The following ZNF385D variants were observed in gnomAD, a reference collection of about 807,000 sequenced individuals.
The protein encoded by ZNF385D is zinc finger protein 659.
Under a neutral mutation model 35.8 loss-of-function variants are expected in ZNF385D, and 15 were observed. That is an observed-to-expected ratio of 0.42 (90% CI 0.28 to 0.64). ZNF385D has a LOEUF of 0.64. Among genes scored for constraint, ZNF385D ranks in the 30% least tolerant of loss-of-function variants. The pLI is 0.23. For missense variants in ZNF385D, 474 were observed against 494.6 expected (o/e 0.96, Z 0.39); for synonymous variants, 212 against 186.8 (o/e 1.13, Z -1.10).
At chr3:22,349,281 A>T (rs1397232999) in intron 2 of ZNF385D, among the ~76,000 whole-genome samples, 1 of 152,176 alleles carries the variant, frequency 6.6e-6, no homozygotes. Context: ...TCTCAAGTTG[A>T]ACCTAGATAA....
intron 2 of ZNF385D, among the ~76,000 whole-genome samples, chr3:22,178,397 CTG>C (rs1265297797): frequency 6.6e-6 from 1 of 152,222 alleles, no homozygotes; most frequent in African/African-American, 2.4e-5. Context: ...TGAGAAGTGT[CTG>C]TGCATATCCT....
rs769929728 is a variant in ZNF385D, at chr3:21,511,047, C to T, written c.277-24G>A. 23 of 1,613,070 alleles carry T rather than the reference C, an allele frequency of 1.4e-5. No individual in the cohort carries two copies. The South Asian group carries it at 2.3e-4, about 16-fold the overall frequency. On this transcript the variant is annotated intron_variant, in intron 3 of 7. Transcript: ENST00000281523. Reference sequence around the variant, plus strand: ...CTCTACAAAGGAGAACAAAATGAACCATGCAATCAGGCTCATTTCTAAACT... The same window carrying T: ...CTCTACAAAGGAGAACAAAATGAACTATGCAATCAGGCTCATTTCTAAACT...
intron 2 of ZNF385D, among the ~76,000 whole-genome samples, chr3:22,242,913 G>A (rs1699575325): frequency 6.6e-6 from 1 of 150,868 alleles, no homozygotes; most frequent in African/African-American, 2.5e-5. Flanking sequence ...ATTTATAGAA[G>A]AGCAAAAAGT....
chr3:21,735,724 C>A (rs1042087615), intron 1 of ZNF385D, among the ~76,000 whole-genome samples: 1 of 152,208 alleles, frequency 6.6e-6, no homozygotes, highest in African/African-American at 2.4e-5. Flanking sequence ...TCTCTGGGAA[C>A]TGCAAGGCAT....
At chr3:22,230,769 G>A (rs948325852) in intron 2 of ZNF385D, among the ~76,000 whole-genome samples, 1 of 152,140 alleles carries the variant, frequency 6.6e-6, no homozygotes, top group Non-Finnish European at 1.5e-5. Flanking sequence ...AGAGGAGTTT[G>A]TTAAGCTGAC....
intron 4 of ZNF385D, among the ~76,000 whole-genome samples, chr3:21,506,666 G>A (rs1350447851): frequency 6.6e-6 from 1 of 152,066 alleles, no homozygotes. Flanking sequence ...AATTATTCTG[G>A]CTATCTTTGG....
chr3:21,597,571 A>G (rs181514741), intron 2 of ZNF385D, among the ~76,000 whole-genome samples: 21 of 152,140 alleles, frequency 1.4e-4, no homozygotes, highest in African/African-American at 5.1e-4. Flanking sequence ...TAAAGCTCAG[A>G]CTTGAGAATT....
intron 3 of ZNF385D, among the ~76,000 whole-genome samples, chr3:22,165,367 G>A (rs149457747): frequency 3.5e-4 from 53 of 152,250 alleles, no homozygotes; most frequent in Non-Finnish European, 5.7e-4. Flanking sequence ...GTCAAGCACC[G>A]GTCTGATGGC....
At chr3:22,016,640 CA>C (rs1390530767) in intron 3 of ZNF385D, among the ~76,000 whole-genome samples, 1 of 151,958 alleles carries the variant, frequency 6.6e-6, no homozygotes, top group East Asian at 1.9e-4. Context: ...GTTTGTGTTT[CA>C]AAAATTTTAG....
chr3:21,817,472 T>G (rs148656643), intron 3 of ZNF385D, among the ~76,000 whole-genome samples: 1 of 151,944 alleles, frequency 6.6e-6, no homozygotes, highest in African/African-American at 2.4e-5. Flanking sequence ...ACAAAGAAGT[T>G]AAACAAATTT....
chr3:21,897,642 T>C (rs1486395808), intron 3 of ZNF385D, among the ~76,000 whole-genome samples: 2 of 152,144 alleles, frequency 1.3e-5, no homozygotes, highest in Admixed American at 6.6e-5. Context: ...GATTTTTTTT[T>C]CCAGGTAAGC....
chr3:21,783,135 T>C (rs1029234664), intron 3 of ZNF385D, among the ~76,000 whole-genome samples: 24 of 152,288 alleles, frequency 1.6e-4, no homozygotes, highest in African/African-American at 5.3e-4. Context: ...CAATATTTCT[T>C]TGATAAATTC....
rs1423186348 is a variant in ZNF385D at position 21,682,602 on chromosome 3, G to T, written c.23-17574C>A. Among the ~76,000 whole-genome samples, 2 of 150,098 alleles carry T rather than the reference G, an allele frequency of 1.3e-5. 1 individual carries two copies. The highest frequency in any genetic ancestry group is 3.0e-5 in the Non-Finnish European group (2 of 67,420). The stretch of plus-strand genomic sequence containing the variant: ...AAGGGTTAATCTTTTTTAGGGAAAT[G>T]AGCCTCTAAATCTCATATTGCAATT... On this transcript the variant is annotated intron_variant, in intron 1 of 7. Transcript: ENST00000281523.
At chr3:21,502,333 G>A (rs1706437868) in intron 4 of ZNF385D, among the ~76,000 whole-genome samples, 1 of 152,076 alleles carries the variant, frequency 6.6e-6, no homozygotes, top group African/African-American at 2.4e-5. Flanking sequence ...TCTCTCCTAA[G>A]TTGCTTACAT....
rs115201834 is a variant in ZNF385D at position 22,168,689 on chromosome 3, T to C, written c.325+128A>G. The C allele has an allele frequency of 3.7e-3, 1,832 of 499,544 alleles. 23 individuals are homozygous for C. Among genetic ancestry groups the C allele is most frequent in the African/African-American group, 0.035 (1,660 of 47,750 alleles). 30.9% of individuals were successfully genotyped at this position (499,544 alleles called of 1,614,324 possible). On this transcript the variant is annotated intron_variant, in intron 3 of 5. Coordinates refer to the ZNF385D transcript ENST00000494108. ...GATGTATTTTAATGTACTCTGCTGA[T>C]AAAAATTTTAAGTAATATTTTTCCT...
chr3:22,049,688 T>C (rs1238293054), intron 3 of ZNF385D, among the ~76,000 whole-genome samples: 2 of 152,210 alleles, frequency 1.3e-5, no homozygotes, highest in African/African-American at 4.8e-5. Context: ...AAATAGATTC[T>C]TTCTATACCT....
At chr3:21,972,129 C>T (rs1345150336) in intron 3 of ZNF385D, among the ~76,000 whole-genome samples, 1 of 151,898 alleles carries the variant, frequency 6.6e-6, no homozygotes, top group African/African-American at 2.4e-5. Flanking sequence ...TTATTATTTT[C>T]AGCCAATGGC....
intron 3 of ZNF385D, among the ~76,000 whole-genome samples, chr3:21,957,690 G>C (rs2125311359): frequency 6.6e-6 from 1 of 152,158 alleles, no homozygotes; most frequent in South Asian, 2.1e-4. Context: ...ATAACCATCT[G>C]CCCCATCTCC....
At chr3:22,126,453 T>C (rs6807648) in intron 3 of ZNF385D, among the ~76,000 whole-genome samples, 29,572 of 151,794 alleles carry the variant, frequency 0.19, 3,138 homozygotes, top group East Asian at 0.4. Flanking sequence ...TTCTGGTCAT[T>C]CAGGAGCATA....
Sources: allele counts gnomAD v4.1 joint callset (sites outside exome capture counted in the v4.1 genomes callset), GRCh38; gene constraint gnomAD v4.1.1; transcripts MANE v1.5; gene names NCBI Gene and HGNC (gene_info 2026-07-23, HGNC 2026-07-21).